The following UBR4 variants were observed in gnomAD, a reference collection of about 807,000 sequenced individuals.
UBR4 encodes E3 ubiquitin-protein ligase UBR4.
In UBR4, 124 loss-of-function variants were observed where a neutral mutation model predicts 575.6. The observed-to-expected ratio is 0.22, with a 90% confidence interval of 0.19 to 0.25. The LOEUF is 0.25. Ranked by LOEUF, UBR4 falls within the 10% of genes least tolerant of loss-of-function variation. The pLI is 1.00. For missense variants in UBR4, 4,818 were observed against 6,478.8 expected (o/e 0.74, Z 8.80); for synonymous variants, 2,455 against 2,473.7 (o/e 0.99, Z 0.22).
Position 19,144,947 on chromosome 1 carries a change from A to G in UBR4, c.7946-40T>C, listed in dbSNP as rs2084635884. On this transcript the variant is annotated intron_variant, in intron 53 of 105. Transcript: ENST00000375254. ...AACATTATTTGAAAATCTGGAGGAA[A>G]AAACTCTAACTACTTGAGAGTCTGA... is the stretch of plus-strand genomic sequence containing the variant. The G allele has an allele frequency of 1.9e-6, 3 of 1,611,064 alleles. No individual in the cohort carries two copies. In the African/African-American group the frequency reaches 4.0e-5, roughly 22 times the overall value.
intron 14 of UBR4, among the ~76,000 whole-genome samples, chr1:19,185,573 CTTTTTTTT>C (rs3068081): frequency 0.1 from 12,831 of 128,692 alleles, 651 homozygotes; most frequent in Non-Finnish European, 0.13. Context: ...TTTCTTTTTT[CTTTTTTTT>C]TTTTTTTTTT....
intron 9 of UBR4, 27 bp downstream of exon 9, chr1:19,193,406 T>TCC (rs757024392): frequency 6.2e-7 from 1 of 1,610,514 alleles, no homozygotes; most frequent in African/African-American, 1.3e-5. Flanking sequence ...CAATCAAGGT[T>TCC]CCCTTATCCC....
In UBR4 at chr1:19,141,441, C is replaced by T. The variant is rs773472492; in HGVS notation, c.8394G>A (p.Glu2798=). The change falls in exon 57 of 106, where the codon GAG becomes GAA. Residue 2798 remains glutamate, a synonymous_variant. Transcript: ENST00000375254. ...GGATGTCCAGCATGGGGGGGAAGCC[C>T]TCTGCGCCTGCCAGCAGGGCCTCCA... is the stretch of plus-strand genomic sequence containing the variant. The part of the protein sequence containing the change: ...SPLEALLAGA[E]GFPPMLDIPP... The T allele has an allele frequency of 1.2e-6, 2 of 1,614,230 alleles. No homozygotes were observed. The highest frequency in any genetic ancestry group is 2.7e-5 in the African/African-American group (2 of 75,070).
Position 19,160,301 on chromosome 1 carries a change from T to G in UBR4, c.5407-20A>C. 5 of 1,424,818 alleles carry G rather than the reference T, an allele frequency of 3.5e-6. No homozygotes were observed. Among genetic ancestry groups the G allele is most frequent in the Admixed American group, 2.6e-5 (1 of 38,528 alleles). 88.3% of individuals were successfully genotyped at this position (1,424,818 alleles called of 1,614,324 possible). On this transcript the variant is annotated intron_variant, in intron 38 of 105. Coordinates refer to ENST00000375254, the MANE Select transcript of UBR4 (RefSeq NM_020765.3). ...ATTGGCCTGAGAAAAATAGAAAAAATACACCAGTGAAAAAAAAAAAAAAGA... is the reference window on the plus strand; with the variant it reads ...ATTGGCCTGAGAAAAATAGAAAAAAGACACCAGTGAAAAAAAAAAAAAAGA...
Position 19,161,219 on chromosome 1 carries a change from G to A in UBR4, c.5176-72C>T, listed in dbSNP as rs1228017835. 52 of 1,436,634 alleles carry A rather than the reference G, an allele frequency of 3.6e-5. No homozygotes were observed. In the Middle Eastern group the frequency reaches 8.7e-4, roughly 24 times the overall value. The allele number at this position is 1,436,634 out of a possible 1,614,324, so 89.0% of individuals were successfully genotyped here. ...AGAGGAAATACTGCCTGAGATCTCC[G>A]AGGAAAATTTGACCCAAAGAAGAAA... is the stretch of plus-strand genomic sequence containing the variant. On this transcript the variant is annotated intron_variant, in intron 37 of 105. Coordinates refer to ENST00000375254, the MANE Select transcript of UBR4 (RefSeq NM_020765.3).
intron 66 of UBR4, 110 bp downstream of exon 66, chr1:19,122,723 A>G (rs1427707864): frequency 2.4e-6 from 3 of 1,225,720 alleles, no homozygotes; most frequent in East Asian, 4.7e-5. Context: ...TAACCATGCC[A>G]TTGTCAACAC....
intron 73 of UBR4, among the ~76,000 whole-genome samples, chr1:19,116,521 A>G (rs2080548001): frequency 6.6e-6 from 1 of 152,228 alleles, no homozygotes; most frequent in Non-Finnish European, 1.5e-5. Context: ...GCCTCTTGGA[A>G]TAACAGCAAT....
At chr1:19,197,613 C>A (rs983004024) in intron 7 of UBR4, 57 bp downstream of exon 7, 2 of 1,595,304 alleles carry the variant, frequency 1.3e-6, no homozygotes, top group Non-Finnish European at 1.7e-6. Flanking sequence ...GGTGACAGAA[C>A]AAGACCCTGT....
rs1382535670 is a variant in UBR4, at chr1:19,156,782, C to T, written c.5904G>A (p.Ala1968=). The T allele has an allele frequency of 3.7e-6, 6 of 1,613,400 alleles. No individual in the cohort carries two copies. The highest frequency in any genetic ancestry group is 1.7e-5 in the Admixed American group (1 of 59,934). ...GGATTTTTACCTTTAGCCCACAAAC[C>T]GCCAAGTAGTCTTCCTTGCAGGGAT... The part of the protein sequence containing the change: ...TGNPCKEDYL[A]VCGLKDCHVL... Residue 1968 remains alanine (A), a synonymous_variant, in exon 41 of 106, where the codon GCG becomes GCA. Transcript: ENST00000375254.
rs2078515524 is a variant in UBR4 at position 19,100,476 on chromosome 1, C to T, written c.13121G>A (p.Ser4374Asn). The part of the protein sequence containing the change: ...QGRMPGNPYS[S>N]NEPGIGPLMR... ...CAGCGGCCCGATGCCTGGCTCATTG[C>T]TGCTATACGGGTTCCCAGGCATCCT... The change falls in exon 89 of 106, where the codon AGC becomes AAC. Residue 4374 changes from serine to asparagine, a missense_variant. Ser to Asn is a conservative substitution (Grantham distance 46). Around this residue, in one of 29 missense-constraint regions of UBR4, gnomAD observed 105 missense variants for 232.8 expected, o/e 0.45. Coordinates refer to ENST00000375254, the MANE Select transcript of UBR4 (RefSeq NM_020765.3). This position sits in a 1 kb window ranked among gnomAD's most constrained non-coding sequence, Gnocchi z 4.2. 1 of 1,614,128 alleles carries T rather than the reference C, an allele frequency of 6.2e-7. No homozygotes were observed. Among genetic ancestry groups the T allele is most frequent in the African/African-American group, 1.3e-5 (1 of 75,018 alleles).
chr1:19,100,302 A>C lies in UBR4; in HGVS notation c.13221+74T>G. The C allele has an allele frequency of 2.6e-6, 4 of 1,546,312 alleles. No homozygotes were observed. The highest frequency in any genetic ancestry group is 3.6e-6 in the Non-Finnish European group (4 of 1,125,312). On this transcript the variant is annotated intron_variant, in intron 89 of 105. Coordinates refer to ENST00000375254, the MANE Select transcript of UBR4 (RefSeq NM_020765.3). The surrounding 1 kb of genome is among the most constrained non-coding windows in gnomAD (Gnocchi z 4.2). ...CCAAGTTAATCAGCTACTAGGAAGA[A>C]GCACCTGGATTTGGTTAGCCTAGGA...
chr1:19,092,622 C>A, intron 97 of UBR4, 197 bp downstream of exon 97: 1 of 502,414 alleles, frequency 2.0e-6, no homozygotes, highest in South Asian at 3.7e-5. Context: ...CAATGAAGCC[C>A]CACTTAAGAA....
Position 19,110,056 on chromosome 1 carries a change from G to GTTAGA in UBR4, c.12105+39_12105+40insTCTAA. Reference sequence around the variant, plus strand: ...CTGCCAGGGAATGAGGAGGGTGGCCGCCCTGCCCTTCCTTGTTAGACCCCT... The same window carrying GTTAGA: ...CTGCCAGGGAATGAGGAGGGTGGCCGTTAGACCCTGCCCTTCCTTGTTAGACCCCT... On this transcript the variant is annotated intron_variant, in intron 81 of 105. Coordinates refer to ENST00000375254, the MANE Select transcript of UBR4 (RefSeq NM_020765.3). The surrounding 1 kb of genome is among the most constrained non-coding windows in gnomAD (Gnocchi z 4.5). 1 of 1,611,890 alleles carries GTTAGA rather than the reference G, an allele frequency of 6.2e-7. No homozygotes were observed. Among genetic ancestry groups the GTTAGA allele is most frequent in the Non-Finnish European group, 8.5e-7 (1 of 1,179,330 alleles).
Position 19,152,163 on chromosome 1 carries a change from C to G in UBR4, c.6996+150G>C. 1 of 1,218,402 alleles carries G rather than the reference C, an allele frequency of 8.2e-7. No homozygotes were observed. The highest frequency in any genetic ancestry group is 2.3e-5 in the East Asian group (1 of 42,652). 75.5% of individuals were successfully genotyped at this position (1,218,402 alleles called of 1,614,324 possible). A position where few individuals can be genotyped will look rare whatever the true frequency, so the allele number is the denominator to read the frequency against. ...CCTTTGCCAAGTGAGTAAGAATATC[C>G]ATTTTTCTAAGGAACCATTTAACTA... On this transcript the variant is annotated intron_variant, in intron 47 of 105. Transcript: ENST00000375254. The surrounding 1 kb of genome is among the most constrained non-coding windows in gnomAD (Gnocchi z 4.4).
chr1:19,120,234 G>C lies in UBR4; in HGVS notation c.10256C>G (p.Ser3419Cys). The C allele has an allele frequency of 2.5e-6, 4 of 1,614,176 alleles. No individual in the cohort carries two copies. The highest frequency in any genetic ancestry group is 2.5e-6 in the Non-Finnish European group (3 of 1,180,036). ...CTGCCAGCGCACCGAGGAAGAATTGGACTCTAACAGGAAACAACGCAGGAA... is the reference window on the plus strand; with the variant it reads ...CTGCCAGCGCACCGAGGAAGAATTGCACTCTAACAGGAAACAACGCAGGAA... ...IQFLRCFLLE[S>C]NSSSVRWQAH... Residue 3419 changes from serine to cysteine, a missense_variant, in exon 69 of 106, where the codon TCC becomes TGC. By Grantham distance (112) the Ser-to-Cys change is moderately radical. This residue lies in a region of UBR4 where 550 missense variants were observed against 791.5 expected (regional missense o/e 0.69). Transcript: ENST00000375254.
In UBR4 at chr1:19,161,886, A is replaced by C; in HGVS notation, c.4968T>G (p.Ser1656=). The C allele has an allele frequency of 1.2e-6, 2 of 1,614,206 alleles. No individual in the cohort carries two copies. The highest frequency in any genetic ancestry group is 1.7e-6 in the Non-Finnish European group (2 of 1,180,030). Residue 1656 remains serine, a synonymous_variant, in exon 36 of 106, where the codon TCT becomes TCG. Transcript: ENST00000375254. ...DSQAEDSDED[S]LCNKLCTFTI... is the part of the protein sequence containing the mutation. ...TAAAAGTGCAGAGTTTATTGCAAAG[A>C]GAATCTTCATCCTTCAAAAATAATA...
chr1:19,160,309 T>C, intron 38 of UBR4, 28 bp from the exon 39 acceptor site: 1 of 1,398,994 alleles, frequency 7.1e-7, no homozygotes, highest in African/African-American at 1.6e-5. Context: ...AATACACCAG[T>C]GAAAAAAAAA....
intron 34 of UBR4, 48 bp from the exon 35 acceptor site, chr1:19,162,659 T>G (rs750696418): frequency 1.9e-6 from 3 of 1,547,288 alleles, no homozygotes; most frequent in East Asian, 4.6e-5. Flanking sequence ...TGTTTCATTA[T>G]GTAAACCATG....
intron 22 of UBR4, 149 bp downstream of exon 22, chr1:19,174,170 C>G (rs1293261276): frequency 1.9e-6 from 2 of 1,080,074 alleles, no homozygotes; most frequent in Non-Finnish European, 2.5e-6. Flanking sequence ...GTGAACATAG[C>G]TACACAAACT....
Sources: gnomAD v4.1 joint callset for allele counts (sites outside exome capture counted in the v4.1 genomes callset) on GRCh38, gnomAD v4.1.1 for gene constraint, gnomAD v4.1.1 regional missense constraint, Gnocchi (gnomAD v3.1) non-coding constraint, MANE v1.5 for transcripts, NCBI Gene and HGNC (gene_info 2026-07-23, HGNC 2026-07-21) for gene names.